Variants in KCNH2 observed in about 807,000 individuals in gnomAD.
KCNH2 encodes the protein potassium voltage-gated channel subfamily H member 2, also known as voltage-gated inwardly rectifying potassium channel KCNH2.
KCNH2 carries 35 observed loss-of-function variants against 95.9 expected under a neutral mutation model. The ratio of observed to expected loss-of-function variants is 0.37; its 90% confidence interval spans 0.28 to 0.48. KCNH2 has a LOEUF of 0.48. Among genes scored for constraint, KCNH2 ranks in the 20% least tolerant of loss-of-function variants. The pLI, the probability that KCNH2 is intolerant of heterozygous loss-of-function variation, is 0.99. For synonymous variants in KCNH2, 786 were observed against 754.7 expected (o/e 1.04, Z -0.68); for missense variants, 1,274 against 1,702.9 (o/e 0.75, Z 4.43).
rs1342820046 is a variant in KCNH2 at position 150,952,164 on chromosome 7, C to T, written c.1557+261G>A. Among the ~76,000 whole-genome samples, 1 of 137,868 alleles carries T rather than the reference C, an allele frequency of 7.3e-6. No homozygotes were observed. Among genetic ancestry groups the T allele is most frequent in the East Asian group, 3.3e-4 (1 of 3,056 alleles). The allele number at this position is 137,868 out of a possible 152,430, so 90.4% of individuals were successfully genotyped here. A position where few individuals can be genotyped will look rare whatever the true frequency, so the allele number is the denominator to read the frequency against. ...CAAAATAATGGCCCCTTGGGATGGA[C>T]GAATTAGAAAAAAAGGTGTCCTGTG... On this transcript the variant is annotated intron_variant, in intron 6 of 14. Coordinates refer to ENST00000262186, the MANE Select transcript of KCNH2 (RefSeq NM_000238.4). This position sits in a 1 kb window ranked among gnomAD's most constrained non-coding sequence, Gnocchi z 7.3.
At chr7:150,957,027 G>A (rs1801396830) in intron 5 of KCNH2, among the ~76,000 whole-genome samples, 1 of 151,966 alleles carries the variant, frequency 6.6e-6, no homozygotes, top group Admixed American at 6.6e-5. Context: ...CCGAAGGCAC[G>A]CACCCCATCC....
chr7:150,955,883 C>G, intron 5 of KCNH2: 1 of 996,178 alleles, frequency 1.0e-6, no homozygotes, highest in Non-Finnish European at 1.2e-6. Flanking sequence ...TCCCCCGCCC[C>G]GCCGGTGCCC....
At chr7:150,955,567 T>C (rs1801343285) in intron 5 of KCNH2, 1 of 1,492,266 alleles carries the variant, frequency 6.7e-7, no homozygotes, top group Non-Finnish European at 8.9e-7. Context: ...CTGCCTCACC[T>C]GCACCCCAGC....
At chr7:150,968,743 G>C (rs1563183186) in intron 2 of KCNH2, among the ~76,000 whole-genome samples, 1 of 152,176 alleles carries the variant, frequency 6.6e-6, no homozygotes. Context: ...CCCGGGGCCA[G>C]CAGCAGCCTG....
intron 5 of KCNH2, chr7:150,955,304 C>A: frequency 7.7e-7 from 1 of 1,300,568 alleles, no homozygotes; most frequent in Non-Finnish European, 1.1e-6. Context: ...CCCAGCAGCC[C>A]TCTCCCCAGC....
chr7:150,960,265 G>A (rs1001520117), intron 2 of KCNH2, among the ~76,000 whole-genome samples: 1 of 152,156 alleles, frequency 6.6e-6, no homozygotes, highest in African/African-American at 2.4e-5. Flanking sequence ...AAAATGGGAA[G>A]AATAATAATT....
chr7:150,947,841 CGGCCCCAAGGCCGACACCTCCCCT>C lies in KCNH2; in HGVS notation c.2706_2729del (p.Glu904_Gly911del). On this transcript the variant is annotated inframe_deletion, in exon 12 of 15. Transcript: ENST00000262186. ...TACTCGGCCCTGCCCCCGCCCGGCC[CGGCCCCAAGGCCGACACCTCCCCT>C]GGCTGCTCCGTGTCTGTGGGAAACA... 6.6e-7 allele frequency: 1 copy of C among 1,526,036 alleles called. No homozygotes were observed. Among genetic ancestry groups the C allele is most frequent in the East Asian group, 2.5e-5 (1 of 40,754 alleles). The allele number at this position is 1,526,036 out of a possible 1,614,324, so 94.5% of individuals were successfully genotyped here. A position where few individuals can be genotyped will look rare whatever the true frequency, so the allele number is the denominator to read the frequency against.
chr7:150,972,615 A>G (rs2117055673), intron 2 of KCNH2, among the ~76,000 whole-genome samples: 1 of 152,340 alleles, frequency 6.6e-6, no homozygotes, highest in South Asian at 2.1e-4. Context: ...ACAGACAGAG[A>G]TTGCTGGCAC....
At chr7:150,948,689 C>T (rs1801018228) in intron 10 of KCNH2, 146 bp from the exon 11 acceptor site, 4 of 1,096,224 alleles carry the variant, frequency 3.6e-6, no homozygotes, top group Non-Finnish European at 5.5e-6. Context: ...TGTGATTTTG[C>T]CCCAGGCAAA....
chr7:150,950,846 T>A, intron 8 of KCNH2, 75 bp downstream of exon 8: 1 of 1,467,108 alleles, frequency 6.8e-7, no homozygotes, highest in African/African-American at 1.4e-5. Context: ...ACTTGTTTGC[T>A]GTGCCAAGAG....
chr7:150,953,090 C>T (rs574278564), intron 5 of KCNH2, among the ~76,000 whole-genome samples: 4 of 152,144 alleles, frequency 2.6e-5, no homozygotes, highest in East Asian at 1.9e-4. Context: ...CAACATTTCC[C>T]GGCAGACGTG....
rs4725385 is a variant in KCNH2, at chr7:150,957,732, T to C, written c.917-230A>G. On this transcript the variant is annotated intron_variant, in intron 4 of 14. Coordinates refer to ENST00000262186, the MANE Select transcript of KCNH2 (RefSeq NM_000238.4). ...GGAAGAGGAAGAGGAAACGGTCTGC[T>C]CCAGGACGCTGGCAGGCAGGGGGCC... is the stretch of plus-strand genomic sequence containing the variant. 0.42 allele frequency among the ~76,000 whole-genome samples: 63,182 copies of C among 152,010 alleles called. 13,935 individuals carry two copies. The highest frequency in any genetic ancestry group is 0.78 in the East Asian group (4,037 of 5,150).
chr7:150,975,038 G>T, intron 1 of KCNH2, 97 bp from the exon 2 acceptor site: 2 of 1,076,424 alleles, frequency 1.9e-6, no homozygotes, highest in Non-Finnish European at 2.7e-6. Context: ...GCCGCCCGGG[G>T]ACTCCCCGCC....
At chr7:150,964,959 G>A (rs1319578931) in intron 2 of KCNH2, among the ~76,000 whole-genome samples, 1 of 152,232 alleles carries the variant, frequency 6.6e-6, no homozygotes, top group Non-Finnish European at 1.5e-5. Context: ...GGAAAGGCCA[G>A]GGACATTGCA....
intron 1 of KCNH2, 97 bp downstream of exon 1, chr7:150,977,741 C>G: frequency 2.8e-6 from 3 of 1,079,574 alleles, no homozygotes; most frequent in Non-Finnish European, 4.0e-6. Flanking sequence ...TCGCACTTGC[C>G]GACGCACACG....
rs999209635 is a variant in KCNH2 at position 150,961,103 on chromosome 7, A to G, written c.308-1367T>C. Among the ~76,000 whole-genome samples, 4 of 152,086 alleles carry G rather than the reference A, an allele frequency of 2.6e-5. No individual in the cohort carries two copies. The highest frequency in any genetic ancestry group is 4.4e-5 in the Non-Finnish European group (3 of 68,000). ...CTTCCTCTCAGCTCCCCCTCTGCTC[A>G]GCTGTCTTCTCTGCCTCCCAGTGTC... On this transcript the variant is annotated intron_variant, in intron 2 of 14. Coordinates refer to ENST00000262186, the MANE Select transcript of KCNH2 (RefSeq NM_000238.4). The surrounding 1 kb of genome is among the most constrained non-coding windows in gnomAD (Gnocchi z 6.2).
chr7:150,957,584 C>T, intron 4 of KCNH2, 82 bp from the exon 5 acceptor site: 1 of 1,007,254 alleles, frequency 9.9e-7, no homozygotes, highest in Admixed American at 1.9e-5. Context: ...GAGTGGAGAC[C>T]AGGCCCTGCA....
At chr7:150,973,252 C>T (rs1801885723) in intron 2 of KCNH2, among the ~76,000 whole-genome samples, 1 of 152,188 alleles carries the variant, frequency 6.6e-6, no homozygotes, top group South Asian at 2.1e-4. Flanking sequence ...TACAGATAGA[C>T]CTGCAACTAC....
intron 5 of KCNH2, among the ~76,000 whole-genome samples, chr7:150,953,473 C>G (rs912739984): frequency 4.6e-5 from 7 of 152,214 alleles, no homozygotes; most frequent in Non-Finnish European, 1.5e-5. Context: ...CTCCCACCCT[C>G]TTACAAAGGG....
Sources: allele counts gnomAD v4.1 joint callset (sites outside exome capture counted in the v4.1 genomes callset), GRCh38; gene constraint gnomAD v4.1.1; non-coding constraint Gnocchi (gnomAD v3.1); transcripts MANE v1.5; gene names NCBI Gene and HGNC (gene_info 2026-07-23, HGNC 2026-07-21).